The following CPNE8 variants were observed in gnomAD, a reference collection of about 807,000 sequenced individuals.
CPNE8 encodes copine 8.
Under a neutral mutation model 81.5 loss-of-function variants are expected in CPNE8, and 45 were observed. The observed-to-expected ratio is 0.55, with a 90% CI of 0.44 to 0.71. CPNE8 has a LOEUF of 0.71. CPNE8 is among the 30% of genes least tolerant of loss of function. The probability of loss-of-function intolerance (pLI) is 0.00; values close to 1 mark genes in which losing one functional copy is unlikely to be tolerated. For missense variants in CPNE8, 594 were observed against 672.1 expected (o/e 0.88, Z 1.28); for synonymous variants, 252 against 226.3 (o/e 1.11, Z -1.02).
At chr12:38,906,161 G>A, upstream of CPNE8, 1 of 985,772 alleles carries the variant, frequency 1.0e-6, no homozygotes. Context: ...GGAGCTCTTG[G>A]GAGATCCCTC....
intron 1 of CPNE8, among the ~76,000 whole-genome samples, chr12:38,895,451 T>C (rs150860277): frequency 7.3e-4 from 111 of 152,244 alleles, no homozygotes; most frequent in African/African-American, 2.5e-3. Flanking sequence ...CTCTCCAGTA[T>C]TTAGTTTTCA....
intron 10 of CPNE8, among the ~76,000 whole-genome samples, chr12:38,734,913 GTGT>G (rs1422587199): frequency 6.6e-6 from 1 of 152,102 alleles, no homozygotes; most frequent in Non-Finnish European, 1.5e-5. Flanking sequence ...CATGTGGCTT[GTGT>G]TGTTCTCATG....
intron 6 of CPNE8, among the ~76,000 whole-genome samples, chr12:38,821,223 T>A (rs1252087963): frequency 6.6e-6 from 1 of 152,238 alleles, no homozygotes; most frequent in African/African-American, 2.4e-5. Context: ...AGTTGCATGA[T>A]TATTCATTTA....
intron 6 of CPNE8, among the ~76,000 whole-genome samples, chr12:38,783,566 G>A (rs757428469): frequency 1.2e-4 from 19 of 152,120 alleles, no homozygotes; most frequent in Admixed American, 3.3e-4. Context: ...CACCCACAGA[G>A]GGAGCATTTA....
At chr12:38,667,535 T>C (rs886841620) in intron 19 of CPNE8, among the ~76,000 whole-genome samples, 2 of 152,216 alleles carry the variant, frequency 1.3e-5, no homozygotes, top group African/African-American at 2.4e-5. Context: ...AACTTCTCTA[T>C]GAAAGTAGAA....
chr12:38,778,022 C>A (rs566433635), intron 6 of CPNE8, among the ~76,000 whole-genome samples: 1 of 152,280 alleles, frequency 6.6e-6, no homozygotes, highest in South Asian at 2.1e-4. Flanking sequence ...TCTCCCATCA[C>A]CCCCACATGG....
intron 13 of CPNE8, among the ~76,000 whole-genome samples, chr12:38,714,486 T>A (rs1202965515): frequency 2.0e-5 from 3 of 152,070 alleles, no homozygotes; most frequent in Non-Finnish European, 4.4e-5. Context: ...CCAAGGTCAA[T>A]AATCCAGAAG....
In CPNE8 at chr12:38,881,018, A is replaced by G. The variant is rs371938632; in HGVS notation, c.99-6507T>C. The stretch of plus-strand genomic sequence containing the variant: ...GAGGTCAGGAGATTGAGACCATCCT[A>G]GCTAACACGGTGAAACCCCGTCTCT... On this transcript the variant is annotated intron_variant, in intron 1 of 19. Transcript: ENST00000331366. 1.4e-3 allele frequency among the ~76,000 whole-genome samples: 207 copies of G among 151,920 alleles called. 3 individuals carry two copies. The Middle Eastern group carries it at 0.027, about 20-fold the overall frequency.
chr12:38,820,817 A>T (rs1379623510), intron 6 of CPNE8, among the ~76,000 whole-genome samples: 1 of 152,164 alleles, frequency 6.6e-6, no homozygotes, highest in Non-Finnish European at 1.5e-5. Flanking sequence ...ATCTACTACT[A>T]AAGCTCACCA....
intron 1 of CPNE8, among the ~76,000 whole-genome samples, chr12:38,890,821 C>A (rs186571622): frequency 4.6e-5 from 7 of 151,582 alleles, no homozygotes; most frequent in African/African-American, 1.7e-4. Flanking sequence ...ATCACACATG[C>A]AAATTGTCTC....
intron 10 of CPNE8, among the ~76,000 whole-genome samples, chr12:38,742,150 T>G (rs1941122001): frequency 6.6e-6 from 1 of 152,156 alleles, no homozygotes; most frequent in Non-Finnish European, 1.5e-5. Context: ...GAAATACCAT[T>G]TGACCCAGCA....
chr12:38,800,056 G>T (rs200201391), intron 6 of CPNE8, among the ~76,000 whole-genome samples: 3,748 of 126,824 alleles, frequency 0.03, 193 homozygotes, highest in East Asian at 0.17. Context: ...AGATCAAACT[G>T]CAAGGCGGCA....
chr12:38,798,780 C>T (rs997302960), intron 6 of CPNE8, among the ~76,000 whole-genome samples: 3 of 152,304 alleles, frequency 2.0e-5, no homozygotes, highest in African/African-American at 7.2e-5. Flanking sequence ...CAAGATCCAT[C>T]AGTGTGCTGT....
intron 6 of CPNE8, among the ~76,000 whole-genome samples, chr12:38,783,279 T>C (rs528495897): frequency 3.2e-4 from 49 of 152,200 alleles, no homozygotes; most frequent in Admixed American, 2.6e-3. Context: ...CAACTATCTA[T>C]ACACACACAC....
intron 3 of CPNE8, among the ~76,000 whole-genome samples, chr12:38,853,479 A>C (rs967204679): frequency 2.6e-5 from 4 of 152,252 alleles, no homozygotes; most frequent in Admixed American, 2.6e-4. Flanking sequence ...GAAGCCAAGC[A>C]CTTTTACATA....
intron 15 of CPNE8, among the ~76,000 whole-genome samples, chr12:38,690,761 A>G (rs1216368906): frequency 6.6e-6 from 1 of 152,234 alleles, no homozygotes; most frequent in Non-Finnish European, 1.5e-5. Flanking sequence ...CCTCTCATTT[A>G]GCTTAACACA....
At chr12:38,903,016 G>C (rs887742785) in intron 1 of CPNE8, among the ~76,000 whole-genome samples, 3 of 152,094 alleles carry the variant, frequency 2.0e-5, no homozygotes, top group Non-Finnish European at 2.9e-5. Flanking sequence ...TTTGTACTTA[G>C]GTCTCTGATG....
chr12:38,873,180 TG>T, intron 2 of CPNE8, 130 bp from the exon 3 acceptor site: 1 of 564,794 alleles, frequency 1.8e-6, no homozygotes, highest in East Asian at 3.3e-5. Flanking sequence ...GACTTACCCT[TG>T]CAAAAAAAAA....
intron 6 of CPNE8, among the ~76,000 whole-genome samples, chr12:38,805,953 C>T (rs910972624): frequency 6.7e-6 from 1 of 149,836 alleles, no homozygotes; most frequent in African/African-American, 2.4e-5. Context: ...TACAAACTAC[C>T]ATCAGAGAAT....
Sources: allele counts gnomAD v4.1 joint callset (sites outside exome capture counted in the v4.1 genomes callset), GRCh38; gene constraint gnomAD v4.1.1; transcripts MANE v1.5; gene names NCBI Gene and HGNC (gene_info 2026-07-23, HGNC 2026-07-21).